PFKP: variants seen among roughly 807,000 people sequenced by gnomAD.
PFKP encodes phosphofructokinase, platelet.
A neutral mutation model predicts 94.3 loss-of-function variants in PFKP; 101 were observed. The ratio of observed to expected loss-of-function variants is 1.07; its 90% CI spans 0.91 to 1.26. The LOEUF is 1.26. Ranked by LOEUF, PFKP falls within the 50% of genes most tolerant of loss-of-function variation. The pLI, the probability that PFKP is intolerant of heterozygous loss-of-function variation, is 0.00. For synonymous variants in PFKP, 573 were observed against 432.6 expected, an observed-to-expected ratio of 1.32 and a Z score of -4.03; for missense variants, 1,145 against 1,103.3, an observed-to-expected ratio of 1.04 and a Z score of -0.53.
At chr10:3,105,711 A>G (rs1243364247) in intron 7 of PFKP, among the ~76,000 whole-genome samples, 1 of 152,014 alleles carries the variant, frequency 6.6e-6, no homozygotes, top group Non-Finnish European at 1.5e-5. Context: ...TTCATTTAAG[A>G]CCTGAGGCTG....
chr10:3,077,891 T>C (rs1006530661), intron 1 of PFKP, among the ~76,000 whole-genome samples: 2 of 152,220 alleles, frequency 1.3e-5, no homozygotes, highest in African/African-American at 4.8e-5. Context: ...CCAACTTTAT[T>C]TTTGGTTCTC....
Position 3,088,152 on chromosome 10 carries a change from CA to C in PFKP, c.186+5692del, listed in dbSNP as rs1436577230. On this transcript the variant is annotated intron_variant, in intron 2 of 21. Transcript: ENST00000381125. ...TAATGCTATCCCTCCCCCCTCCCCC[CA>C]CCCCACAACAGGCCCCGGTGTGTGA... Among the ~76,000 whole-genome samples, 841 of 119,624 alleles carry C rather than the reference CA, an allele frequency of 7.0e-3. 9 individuals carry two copies. The highest frequency in any genetic ancestry group is 0.026 in the African/African-American group (815 of 31,712). 78.5% of individuals were successfully genotyped at this position (119,624 alleles called of 152,430 possible). A position where few individuals can be genotyped will look rare whatever the true frequency, so the allele number is the denominator to read the frequency against.
At chr10:3,100,883 TC>T in intron 3 of PFKP, 3 of 541,690 alleles carry the variant, frequency 5.5e-6, no homozygotes, top group Non-Finnish European at 5.7e-6. Flanking sequence ...AAAAAAAAAA[TC>T]CCCCTGGCCC....
Position 3,110,487 on chromosome 10 carries a change from A to AT in PFKP, c.1089+1009dup, listed in dbSNP as rs554850481. ...CACCTCGGCCTCCCAAAGTGCTGGG[A>AT]TTACAGGCATGAGCCACCACGCCCA... On this transcript the variant is annotated intron_variant, in intron 10 of 21. Transcript: ENST00000381125. 2.5e-3 allele frequency among the ~76,000 whole-genome samples: 372 copies of AT among 148,120 alleles called. 1 individual carries two copies. Among genetic ancestry groups the AT allele is most frequent in the African/African-American group, 8.9e-3 (357 of 40,030 alleles).
chr10:3,133,443 C>T (rs1469974359), intron 19 of PFKP, 129 bp downstream of exon 19: 1 of 682,768 alleles, frequency 1.5e-6, no homozygotes, highest in African/African-American at 1.8e-5. Flanking sequence ...AACATCTGAA[C>T]TTTTTGAGAC....
chr10:3,125,010 C>T (rs755226835), intron 16 of PFKP: 30 of 1,054,700 alleles, frequency 2.8e-5, no homozygotes, highest in Middle Eastern at 8.7e-4. Context: ...AGTCCCCTCC[C>T]GTCCCTTCCT....
intron 4 of PFKP, 149 bp from the exon 5 acceptor site, chr10:3,103,630 A>G (rs1835235185): frequency 1.2e-6 from 1 of 802,226 alleles, no homozygotes; most frequent in African/African-American, 1.7e-5. Flanking sequence ...CTGTCTCAGA[A>G]AAATGATAAT....
chr10:3,109,567 C>CT, intron 10 of PFKP, 87 bp downstream of exon 10: 1 of 1,494,596 alleles, frequency 6.7e-7, no homozygotes. Flanking sequence ...CCTTGGGTGT[C>CT]TCGTCGGTGC....
intron 19 of PFKP, among the ~76,000 whole-genome samples, 191 bp from the exon 20 acceptor site, chr10:3,134,292 C>T (rs539699219): frequency 1.4e-4 from 22 of 152,276 alleles, no homozygotes; most frequent in South Asian, 2.1e-4. Flanking sequence ...TCTTACTGAG[C>T]GGGGGGAACA....
In PFKP at chr10:3,128,564, G is replaced by A. The variant is rs565368234; in HGVS notation, c.1684-1255G>A. 3.9e-5 allele frequency among the ~76,000 whole-genome samples: 6 copies of A among 152,354 alleles called. No individual in the cohort carries two copies. In the South Asian group the frequency reaches 1.2e-3, roughly 32 times the overall value. On this transcript the variant is annotated intron_variant, in intron 16 of 21. Coordinates refer to ENST00000381125, the MANE Select transcript of PFKP (RefSeq NM_002627.5). ...GCTGAGGCCAGAATGTTTGCTCCAG[G>A]AGCGTCCCTCGTGGCCCGTTCAGGT...
intron 2 of PFKP, among the ~76,000 whole-genome samples, chr10:3,088,006 T>TTA (rs1270874323): frequency 3.4e-5 from 5 of 149,230 alleles, no homozygotes; most frequent in Admixed American, 6.6e-5. Context: ...TTTTTTTTTT[T>TTA]ACATTATACT....
chr10:3,133,377 G>A, intron 19 of PFKP, 63 bp downstream of exon 19: 3 of 1,061,042 alleles, frequency 2.8e-6, no homozygotes, highest in Non-Finnish European at 2.9e-6. Flanking sequence ...AAAGATTAGT[G>A]TCTTATTTTA....
chr10:3,133,339 C>T, intron 19 of PFKP, 25 bp downstream of exon 19: 5 of 1,385,192 alleles, frequency 3.6e-6, no homozygotes, highest in Non-Finnish European at 5.1e-6. Flanking sequence ...GCATGAGGGG[C>T]CACAAAGCCC....
At chr10:3,069,722 A>G (rs1235105178) in intron 1 of PFKP, among the ~76,000 whole-genome samples, 2 of 152,166 alleles carry the variant, frequency 1.3e-5, no homozygotes, top group Non-Finnish European at 2.9e-5. Context: ...GTGTCTACAA[A>G]AAAAAAGAAA....
At chr10:3,069,401 G>A in intron 1 of PFKP, 1 of 1,582,684 alleles carries the variant, frequency 6.3e-7, no homozygotes, top group African/African-American at 1.3e-5. Context: ...TACGAATGGA[G>A]CCGCCTTGGG....
intron 16 of PFKP, chr10:3,125,356 T>TA (rs1837839950): frequency 2.3e-6 from 2 of 873,578 alleles, no homozygotes; most frequent in Non-Finnish European, 3.0e-6. Context: ...TTTCTCCCCT[T>TA]TGTTAGCTTG....
At chr10:3,125,260 C>A in intron 16 of PFKP, 1 of 1,286,716 alleles carries the variant, frequency 7.8e-7, no homozygotes, top group South Asian at 1.3e-5. Flanking sequence ...GTAAGAGAAC[C>A]CCGTTTCCTC....
rs111377409 is a variant in PFKP, at chr10:3,103,468, G to A, written c.455-311G>A. Among the ~76,000 whole-genome samples the A allele has an allele frequency of 6.3e-3, 966 of 152,258 alleles. 4 individuals are homozygous for A. Among genetic ancestry groups the A allele is most frequent in the African/African-American group, 0.022 (906 of 41,542 alleles). On this transcript the variant is annotated intron_variant, in intron 4 of 21. Transcript: ENST00000381125. Reference sequence around the variant, plus strand: ...TTAAGACCCGCCTGGGCAACATAGAGTGTGGGTCTACAAAAAAAATTAAGA... The same window carrying A: ...TTAAGACCCGCCTGGGCAACATAGAATGTGGGTCTACAAAAAAAATTAAGA...
At position 3,135,755 on chromosome 10, in the gene PFKP, T is replaced by G. The variant is rs774205643; in HGVS notation, c.2142T>G (p.Asp714Glu). ...TTATAGGAAAAAAATTTACCACCGA[T>G]GATTCCATTTGTGTGCTGGGAATAA... ...ARGRGKKFTT[D>E]DSICVLGISK... Residue 714 changes from aspartate (D) to glutamate (E), a missense_variant, in exon 21 of 22, where the codon GAT becomes GAG. Physicochemically the swap from Asp to Glu is conservative, Grantham distance 45 (BLOSUM62 2). Transcript: ENST00000381125. The G allele has an allele frequency of 6.2e-6, 10 of 1,611,606 alleles. No homozygotes were observed. The highest frequency in any genetic ancestry group is 8.5e-6 in the Non-Finnish European group (10 of 1,178,154).
Sources: gnomAD v4.1 joint callset for allele counts (sites outside exome capture counted in the v4.1 genomes callset) on GRCh38, gnomAD v4.1.1 for gene constraint, MANE v1.5 for transcripts, NCBI Gene and HGNC (gene_info 2026-07-23, HGNC 2026-07-21) for gene names.